Variants in CHODL observed in about 807,000 individuals in gnomAD.
CHODL encodes the protein transmembrane protein MT75.
CHODL carries 29 observed loss-of-function variants against 34.5 expected under a neutral mutation model. That is an observed-to-expected ratio of 0.84 (90% CI 0.63 to 1.15). The LOEUF is 1.15. Ranked by LOEUF, CHODL falls within the 50% of genes most tolerant of loss-of-function variation. CHODL has a pLI of 0.00. For synonymous variants in CHODL, 125 were observed against 116.1 expected, an observed-to-expected ratio of 1.08 and a Z score of -0.49; for missense variants, 332 against 332.5, an observed-to-expected ratio of 1.00 and a Z score of 0.01.
chr21:18,224,877 A>G (rs2073917025), intron 2 of CHODL, among the ~76,000 whole-genome samples: 1 of 152,046 alleles, frequency 6.6e-6, no homozygotes, highest in South Asian at 2.1e-4. Context: ...TCAGTATAAT[A>G]CCACTGCTTG....
chr21:17,948,830 A>G (rs1266464466), intron 1 of CHODL, among the ~76,000 whole-genome samples: 2 of 152,200 alleles, frequency 1.3e-5, no homozygotes, highest in Non-Finnish European at 2.9e-5. Context: ...AAACATTTAA[A>G]GAGGAGCTAA....
intron 2 of CHODL, among the ~76,000 whole-genome samples, chr21:18,199,526 T>C (rs954462265): frequency 6.6e-6 from 1 of 152,128 alleles, no homozygotes; most frequent in Non-Finnish European, 1.5e-5. Flanking sequence ...CTCTGTATTG[T>C]GTAGTGTGTA....
intron 2 of CHODL, among the ~76,000 whole-genome samples, chr21:18,234,628 T>C (rs1026155831): frequency 2.6e-5 from 4 of 152,086 alleles, no homozygotes; most frequent in African/African-American, 9.7e-5. Flanking sequence ...TACCTTTGAT[T>C]ACCAGAAGTG....
At position 18,256,744 on chromosome 21, in the gene CHODL, G is replaced by A. The variant is rs1284238851; in HGVS notation, c.315G>A (p.Arg105=). 4 of 1,613,992 alleles carry A rather than the reference G, an allele frequency of 2.5e-6. No individual in the cohort carries two copies. Among genetic ancestry groups the A allele is most frequent in the Non-Finnish European group, 3.4e-6 (4 of 1,179,996 alleles). ...GTGATTTCTGGATAGGGCTTTGGAGGAATGGAGATGGGCAAACATCTGGTG... is the reference window on the plus strand; with the variant it reads ...GTGATTTCTGGATAGGGCTTTGGAGAAATGGAGATGGGCAAACATCTGGTG... The part of the protein sequence containing the change: ...SDGDFWIGLW[R]NGDGQTSGAC... The change falls in exon 2 of 6, where the codon AGG becomes AGA. Residue 105 remains arginine, a synonymous_variant. Transcript: ENST00000299295.
intron 2 of CHODL, among the ~76,000 whole-genome samples, chr21:18,163,452 G>C (rs1266823631): frequency 2.6e-5 from 4 of 151,936 alleles, no homozygotes; most frequent in Non-Finnish European, 5.9e-5. Context: ...TTTTCCCCTA[G>C]AGAGTAAATG....
chr21:18,042,908 C>T (rs2064393547), intron 2 of CHODL, among the ~76,000 whole-genome samples: 1 of 151,714 alleles, frequency 6.6e-6, no homozygotes, highest in Non-Finnish European at 1.5e-5. Context: ...CATGTTCTGG[C>T]CATTTTTTTT....
chr21:18,079,649 C>T (rs2064912687), intron 2 of CHODL, among the ~76,000 whole-genome samples: 1 of 151,228 alleles, frequency 6.6e-6, no homozygotes, highest in African/African-American at 2.4e-5. Context: ...TTTATACAAT[C>T]ATCTGTTAAT....
chr21:18,044,533 G>C (rs1382759214), intron 2 of CHODL, among the ~76,000 whole-genome samples: 1 of 151,882 alleles, frequency 6.6e-6, no homozygotes, highest in African/African-American at 2.4e-5. Flanking sequence ...TTTGGAGTCA[G>C]TACTGACTCA....
At chr21:17,928,981 A>G (rs963607351) in intron 1 of CHODL, among the ~76,000 whole-genome samples, 2 of 152,226 alleles carry the variant, frequency 1.3e-5, no homozygotes, top group Non-Finnish European at 2.9e-5. Context: ...AAATCCACTT[A>G]AGAGCTGAGA....
intron 2 of CHODL, among the ~76,000 whole-genome samples, chr21:18,215,223 G>C (rs1221419718): frequency 1.3e-5 from 2 of 151,040 alleles, no homozygotes; most frequent in Non-Finnish European, 3.0e-5. Context: ...GGTTTTATCA[G>C]AATCTCCTGC....
chr21:18,149,329 G>A (rs2072936507), intron 2 of CHODL, among the ~76,000 whole-genome samples: 1 of 152,184 alleles, frequency 6.6e-6, no homozygotes, highest in South Asian at 2.1e-4. Flanking sequence ...TTCTCCATGA[G>A]ATGAAAGCGA....
At chr21:18,175,270 T>C (rs2073291856) in intron 2 of CHODL, among the ~76,000 whole-genome samples, 1 of 152,224 alleles carries the variant, frequency 6.6e-6, no homozygotes, top group African/African-American at 2.4e-5. Flanking sequence ...CTTTTTCATC[T>C]ATTCATTCAT....
At chr21:18,171,644 T>G (rs2073233163) in intron 2 of CHODL, among the ~76,000 whole-genome samples, 1 of 152,230 alleles carries the variant, frequency 6.6e-6, no homozygotes. Context: ...CCTATTTCTT[T>G]GCATGTCTTA....
chr21:18,172,472 A>G lies in CHODL; in HGVS notation c.-44-84037A>G, dbSNP rs539237087. Among the ~76,000 whole-genome samples the G allele has an allele frequency of 2.6e-5, 4 of 152,198 alleles. No homozygotes were observed. In the East Asian group the frequency reaches 7.7e-4, roughly 29 times the overall value. ...TTATATCTAACTTTATTGTACACCT[A>G]TTTATTTTTTCAGGGTCACTTCAGA... is the stretch of plus-strand genomic sequence containing the variant. On this transcript the variant is annotated intron_variant, in intron 2 of 6. Transcript: ENST00000400127.
intron 1 of CHODL, among the ~76,000 whole-genome samples, chr21:17,958,415 A>G (rs1355065144): frequency 6.6e-6 from 1 of 152,158 alleles, no homozygotes; most frequent in African/African-American, 2.4e-5. Flanking sequence ...GTTGCTTCCT[A>G]GCTCTAGGCA....
At chr21:18,085,133 G>T (rs2064990490) in intron 2 of CHODL, among the ~76,000 whole-genome samples, 1 of 151,660 alleles carries the variant, frequency 6.6e-6, no homozygotes, top group Admixed American at 6.6e-5. Flanking sequence ...CATTTGTGTG[G>T]AATATCTTTT....
chr21:17,985,804 A>T (rs1461833856), intron 1 of CHODL, among the ~76,000 whole-genome samples: 5 of 152,146 alleles, frequency 3.3e-5, no homozygotes, highest in Non-Finnish European at 1.5e-5. Flanking sequence ...TGCTATAACA[A>T]ATGACCTTAT....
intron 2 of CHODL, among the ~76,000 whole-genome samples, chr21:18,193,279 T>C (rs2073533236): frequency 6.6e-6 from 1 of 152,178 alleles, no homozygotes; most frequent in Non-Finnish European, 1.5e-5. Flanking sequence ...ATGTAGGGGT[T>C]CCCTGAGATC....
chr21:18,242,366 T>C (rs1304135974), upstream of CHODL, among the ~76,000 whole-genome samples: 3 of 152,210 alleles, frequency 2.0e-5, no homozygotes, highest in Admixed American at 6.5e-5. Flanking sequence ...TTGTAACATT[T>C]TTCCAAAATA....
Sources: allele counts gnomAD v4.1 joint callset (sites outside exome capture counted in the v4.1 genomes callset), GRCh38; gene constraint gnomAD v4.1.1; transcripts MANE v1.5; gene names NCBI Gene and HGNC (gene_info 2026-07-23, HGNC 2026-07-21).